Variants in ICAM4 observed in about 807,000 individuals in gnomAD.
ICAM4 encodes intercellular adhesion molecule 4.
ICAM4 carries 16 observed loss-of-function variants against 18.8 expected under a neutral mutation model. The observed-to-expected ratio is 0.85, with a 90% CI of 0.58 to 1.29. The LOEUF is 1.29. Ranked by LOEUF, ICAM4 falls within the 50% of genes most tolerant of loss-of-function variation. ICAM4 has a pLI of 0.00. For missense variants in ICAM4, 338 were observed against 364.3 expected (o/e 0.93, Z 0.59); for synonymous variants, 163 against 163.2 (o/e 1.00, Z 0.01).
Position 10,287,667 on chromosome 19 carries a change from T to C in ICAM4, c.526T>C (p.Tyr176His). ...CCTGAGGCATGGAAGCCGGGTCATC[T>C]ATTCCGAAAGCCTGGAGCGCTTCAC... Reference protein sequence around the residue: ...VTLRHGSRVIYSESLERFTGL... With the variant: ...VTLRHGSRVIHSESLERFTGL... Residue 176 changes from tyrosine (Y) to histidine (H), a missense_variant, in exon 2 of 3, where the codon TAT becomes CAT. By Grantham distance (83) the Tyr-to-His change is moderately conservative. Transcript: ENST00000380770. This position sits in a 1 kb window ranked among gnomAD's most constrained non-coding sequence, Gnocchi z 8.7. The C allele has an allele frequency of 6.2e-7, 1 of 1,614,148 alleles. No individual in the cohort carries two copies. Among genetic ancestry groups the C allele is most frequent in the Non-Finnish European group, 8.5e-7 (1 of 1,180,028 alleles).
At position 10,287,463 on chromosome 19, in the gene ICAM4, G is replaced by A. The variant is rs968273159; in HGVS notation, c.394+57G>A. ...TGAGGGGAGGGGGCTGGAAGAGGTG[G>A]GGGAAGGGTAGTTGACAGTCGCTCT... On this transcript the variant is annotated intron_variant, in intron 1 of 2. Coordinates refer to ENST00000380770, the MANE Select transcript of ICAM4 (RefSeq NM_001544.5). This position sits in a 1 kb window ranked among gnomAD's most constrained non-coding sequence, Gnocchi z 8.7. 1.7e-5 allele frequency: 27 copies of A among 1,588,940 alleles called. No homozygotes were observed. Among genetic ancestry groups the A allele is most frequent in the Non-Finnish European group, 2.0e-5 (23 of 1,166,222 alleles).
rs1161702102 is a variant in ICAM4 at position 10,287,950 on chromosome 19, T to A, written c.698-36T>A. On this transcript the variant is annotated intron_variant, in intron 2 of 2. Coordinates refer to ENST00000380770, the MANE Select transcript of ICAM4 (RefSeq NM_001544.5). This position sits in a 1 kb window ranked among gnomAD's most constrained non-coding sequence, Gnocchi z 8.7. ...CTCCACGCGGGTCGACAGACCTCCC[T>A]GTGTTCCGTTCCTAATTCTCGCCTT... The A allele has an allele frequency of 1.2e-6, 2 of 1,613,414 alleles. No homozygotes were observed. Among genetic ancestry groups the A allele is most frequent in the Middle Eastern group, 1.6e-4 (1 of 6,084 alleles).
rs765755270 is a variant in ICAM4 at position 10,287,068 on chromosome 19, G to A, written c.56G>A (p.Gly19Glu). The change falls in exon 1 of 3, where the codon GGA (glycine) becomes GAA (glutamate). Residue 19 changes from glycine (G) to glutamate (E), a missense_variant. By Grantham distance (98) the Gly-to-Glu change is moderately conservative. Transcript: ENST00000380770. This position sits in a 1 kb window ranked among gnomAD's most constrained non-coding sequence, Gnocchi z 8.7. ...LLFFLAAAYP[G>E]VGSALGRRTK... ...TTTTTTTTGGCGGCCGCCTACCCGGGAGTTGGGAGCGCGCTGGGACGCCGG... is the reference window on the plus strand; with the variant it reads ...TTTTTTTTGGCGGCCGCCTACCCGGAAGTTGGGAGCGCGCTGGGACGCCGG... The A allele has an allele frequency of 1.3e-6, 2 of 1,585,882 alleles. No individual in the cohort carries two copies. The highest frequency in any genetic ancestry group is 1.7e-6 in the Non-Finnish European group (2 of 1,163,648).
chr19:10,288,215 A>T lies in ICAM4; in HGVS notation c.*111A>T, dbSNP rs767480804. ...GTAATCCCAGCACTTTGGGAGGCCG[A>T]GGCAGGAGAATCGCTTGAGCCCAGG... On this transcript the variant is annotated 3_prime_UTR_variant, in exon 3 of 3. Coordinates refer to ENST00000380770, the MANE Select transcript of ICAM4 (RefSeq NM_001544.5). 6.4e-7 allele frequency: 1 copy of T among 1,555,932 alleles called. No individual in the cohort carries two copies. The highest frequency in any genetic ancestry group is 8.8e-7 in the Non-Finnish European group (1 of 1,133,702).
rs1568297555 is a variant in ICAM4, at chr19:10,287,757, C to A, written c.616C>A (p.Gln206Lys). Residue 206 changes from glutamine to lysine, a missense_variant, in exon 2 of 3, where the codon CAG becomes AAG. By Grantham distance (53) the Gln-to-Lys change is moderately conservative. Coordinates refer to ENST00000380770, the MANE Select transcript of ICAM4 (RefSeq NM_001544.5). This position sits in a 1 kb window ranked among gnomAD's most constrained non-coding sequence, Gnocchi z 8.7. The part of the protein sequence containing the change: ...EFAAGPRDFW[Q>K]PVICHARLNL... ...TGCTGCTGGACCCCGCGACTTCTGG[C>A]AGCCCGTGATCTGCCACGCGCGCCT... is the stretch of plus-strand genomic sequence containing the variant. The A allele has an allele frequency of 1.9e-6, 3 of 1,613,898 alleles. No homozygotes were observed. The highest frequency in any genetic ancestry group is 2.5e-6 in the Non-Finnish European group (3 of 1,180,046).
Position 10,287,035 on chromosome 19 carries a change from C to T in ICAM4, c.23C>T (p.Ser8Leu), listed in dbSNP as rs1479914177. ...GCCATGGGGTCTCTGTTCCCTCTGT[C>T]GCTGCTGTTTTTTTTGGCGGCCGCC... Reference protein sequence around the residue: MGSLFPLSLLFFLAAAYP... With the variant: MGSLFPLLLLFFLAAAYP... The change falls in exon 1 of 3, where the codon TCG becomes TTG. Residue 8 changes from serine (S) to leucine (L), a missense_variant. Ser to Leu is a moderately radical substitution (Grantham distance 145). Transcript: ENST00000380770. The surrounding 1 kb of genome is among the most constrained non-coding windows in gnomAD (Gnocchi z 8.7). 2 of 1,557,848 alleles carry T rather than the reference C, an allele frequency of 1.3e-6. No homozygotes were observed. Among genetic ancestry groups the T allele is most frequent in the Admixed American group, 3.7e-5 (2 of 53,996 alleles).
Position 10,287,384 on chromosome 19 carries a change from C to T in ICAM4, c.372C>T (p.Ala124=). Residue 124 remains alanine (A), a synonymous_variant, in exon 1 of 3, where the codon GCC becomes GCT. Transcript: ENST00000380770. The surrounding 1 kb of genome is among the most constrained non-coding windows in gnomAD (Gnocchi z 8.7). ...CCTGCGCAGGAAAAACACGCTGGGCCACCTCCAGGATCACCGCCTACAGTG... is the reference window on the plus strand; with the variant it reads ...CCTGCGCAGGAAAAACACGCTGGGCTACCTCCAGGATCACCGCCTACAGTG... ...LVTCAGKTRW[A]TSRITAYKPP... is the part of the protein sequence containing the mutation. 6.2e-7 allele frequency: 1 copy of T among 1,606,698 alleles called. No homozygotes were observed. Among genetic ancestry groups the T allele is most frequent in the Non-Finnish European group, 8.5e-7 (1 of 1,176,726 alleles).
chr19:10,288,028 C>A lies in ICAM4; in HGVS notation c.740C>A (p.Ala247Asp), dbSNP rs1800320916. 6.2e-7 allele frequency: 1 copy of A among 1,614,182 alleles called. No homozygotes were observed. The highest frequency in any genetic ancestry group is 1.3e-5 in the African/African-American group (1 of 75,064). Residue 247 changes from alanine (A) to aspartate (D), a missense_variant, in exon 3 of 3, where the codon GCT becomes GAT. Physicochemically the swap from Ala to Asp is moderately radical, Grantham distance 126. Transcript: ENST00000380770. ...APTALASGSI[A>D]ALVGILLTVG... ...ACAGCTTTGGCCTCCGGTTCCATCGCTGCCCTTGTAGGGATCCTCCTCACT... is the reference window on the plus strand; with the variant it reads ...ACAGCTTTGGCCTCCGGTTCCATCGATGCCCTTGTAGGGATCCTCCTCACT...
chr19:10,287,505 G>C lies in ICAM4; in HGVS notation c.395-31G>C, dbSNP rs2040126390. On this transcript the variant is annotated intron_variant, in intron 1 of 2. Transcript: ENST00000380770. The surrounding 1 kb of genome is among the most constrained non-coding windows in gnomAD (Gnocchi z 8.7). The stretch of plus-strand genomic sequence containing the variant: ...AGTCGCTCTATAGGGAGCGCCCGCG[G>C]ACCTCACTCAGAGGCTCCCCCTTGC... 2.4e-5 allele frequency: 39 copies of C among 1,604,462 alleles called. No individual in the cohort carries two copies. The highest frequency in any genetic ancestry group is 3.2e-5 in the Non-Finnish European group (37 of 1,174,154).
Position 10,288,140 on chromosome 19 carries a change from A to G in ICAM4, c.*36A>G. On this transcript the variant is annotated 3_prime_UTR_variant, in exon 3 of 3. Transcript: ENST00000380770. ...TCTATGCCGGCTGAGCGAGAAAAAG[A>G]GGAATATGAAACAATCTGGGGAAAT... 1 of 1,614,146 alleles carries G rather than the reference A, an allele frequency of 6.2e-7. No homozygotes were observed.
chr19:10,287,221 G>C lies in ICAM4; in HGVS notation c.209G>C (p.Ser70Thr), dbSNP rs1190707594. 1 of 1,612,994 alleles carries C rather than the reference G, an allele frequency of 6.2e-7. No homozygotes were observed. The highest frequency in any genetic ancestry group is 8.5e-7 in the Non-Finnish European group (1 of 1,179,864). Reference protein sequence around the residue: ...QPGKSVQLNCSNSCPQPQNSS... With the variant: ...QPGKSVQLNCTNSCPQPQNSS... ...GGGAAGTCAGTGCAGCTCAATTGCA[G>C]CAACAGCTGTCCCCAGCCGCAGAAT... Residue 70 changes from serine (S) to threonine (T), a missense_variant, in exon 1 of 3, where the codon AGC becomes ACC. By Grantham distance (58) the Ser-to-Thr change is moderately conservative. Transcript: ENST00000380770. This position sits in a 1 kb window ranked among gnomAD's most constrained non-coding sequence, Gnocchi z 8.7.
Position 10,287,544 on chromosome 19 carries a change from C to T in ICAM4, c.403C>T (p.His135Tyr), listed in dbSNP as rs759055313. The T allele has an allele frequency of 6.2e-7, 1 of 1,613,320 alleles. No homozygotes were observed. The highest frequency in any genetic ancestry group is 1.1e-5 in the South Asian group (1 of 91,066). ...TSRITAYKPPHSVILEPPVLK... is the reference protein window; with the variant it reads ...TSRITAYKPPYSVILEPPVLK... ...GCTCCCCCTTGCCTTAGAACCGCCC[C>T]ACAGCGTGATTTTGGAGCCTCCGGT... The change falls in exon 2 of 3, where the codon CAC becomes TAC. Residue 135 changes from histidine to tyrosine, a missense_variant. Physicochemically the swap from His to Tyr is moderately conservative, Grantham distance 83 (BLOSUM62 2). Transcript: ENST00000380770. The surrounding 1 kb of genome is among the most constrained non-coding windows in gnomAD (Gnocchi z 8.7).
In ICAM4 at chr19:10,288,204, T is replaced by C; in HGVS notation, c.*100T>C. The C allele has an allele frequency of 2.5e-6, 4 of 1,586,094 alleles. No homozygotes were observed. Among genetic ancestry groups the C allele is most frequent in the Non-Finnish European group, 3.5e-6 (4 of 1,158,456 alleles). On this transcript the variant is annotated 3_prime_UTR_variant, in exon 3 of 3. Coordinates refer to ENST00000380770, the MANE Select transcript of ICAM4 (RefSeq NM_001544.5). ...GGCTGACGCCTGTAATCCCAGCACT[T>C]TGGGAGGCCGAGGCAGGAGAATCGC...
Position 10,287,834 on chromosome 19 carries a change from G to C in ICAM4, c.693G>C (p.Met231Ile), listed in dbSNP as rs540595516. ...ACAGCTCGGCACCCATTACACTGATGCTCGGTGAGGCACCCCTGTAACCCT... is the reference window on the plus strand; with the variant it reads ...ACAGCTCGGCACCCATTACACTGATCCTCGGTGAGGCACCCCTGTAACCCT... ...VRNSSAPITL[M>I]LAWSPAPTAL... The change falls in exon 2 of 3, where the codon ATG becomes ATC. Residue 231 changes from methionine to isoleucine, a missense_variant. Coordinates refer to ENST00000380770, the MANE Select transcript of ICAM4 (RefSeq NM_001544.5). The surrounding 1 kb of genome is among the most constrained non-coding windows in gnomAD (Gnocchi z 8.7). 1 of 1,610,816 alleles carries C rather than the reference G, an allele frequency of 6.2e-7. No homozygotes were observed. Among genetic ancestry groups the C allele is most frequent in the Admixed American group, 1.7e-5 (1 of 60,014 alleles).
Position 10,287,715 on chromosome 19 carries a change from A to G in ICAM4, c.574A>G (p.Thr192Ala), listed in dbSNP as rs755583690. 13 of 1,613,780 alleles carry G rather than the reference A, an allele frequency of 8.1e-6. No individual in the cohort carries two copies. The highest frequency in any genetic ancestry group is 1.0e-5 in the Non-Finnish European group (12 of 1,179,972). The part of the protein sequence containing the change: ...RFTGLDLANV[T>A]LTYEFAAGPR... ...CACCGGCCTGGATCTGGCCAACGTG[A>G]CCTTGACCTACGAGTTTGCTGCTGG... Residue 192 changes from threonine (T) to alanine (A), a missense_variant, in exon 2 of 3, where the codon ACC becomes GCC. Coordinates refer to ENST00000380770, the MANE Select transcript of ICAM4 (RefSeq NM_001544.5). The surrounding 1 kb of genome is among the most constrained non-coding windows in gnomAD (Gnocchi z 8.7).
Position 10,288,156 on chromosome 19 carries a change from C to G in ICAM4, c.*52C>G, listed in dbSNP as rs1334073699. On this transcript the variant is annotated 3_prime_UTR_variant, in exon 3 of 3. Coordinates refer to ENST00000380770, the MANE Select transcript of ICAM4 (RefSeq NM_001544.5). ...GAGAAAAAGAGGAATATGAAACAAT[C>G]TGGGGAAATGGCCATACATGGTGGC... is the stretch of plus-strand genomic sequence containing the variant. The G allele has an allele frequency of 1.9e-6, 3 of 1,613,826 alleles. No individual in the cohort carries two copies. Among genetic ancestry groups the G allele is most frequent in the African/African-American group, 1.3e-5 (1 of 74,908 alleles).
In ICAM4 at chr19:10,287,427, C is replaced by T. The variant is rs758337091; in HGVS notation, c.394+21C>T. ...CTACAGTGAGGGACAGGGGCTCGGTCCCGGCTGGGGTGAGGGGAGGGGGCT... is the reference window on the plus strand; with the variant it reads ...CTACAGTGAGGGACAGGGGCTCGGTTCCGGCTGGGGTGAGGGGAGGGGGCT... On this transcript the variant is annotated intron_variant, in intron 1 of 2. Transcript: ENST00000380770. The surrounding 1 kb of genome is among the most constrained non-coding windows in gnomAD (Gnocchi z 8.7). 6.3e-7 allele frequency: 1 copy of T among 1,593,550 alleles called. No homozygotes were observed. Among genetic ancestry groups the T allele is most frequent in the East Asian group, 2.3e-5 (1 of 44,354 alleles).
rs2040131447 is a variant in ICAM4 at position 10,287,821 on chromosome 19, C to T, written c.680C>T (p.Pro227Leu). The change falls in exon 2 of 3, where the codon CCC becomes CTC. Residue 227 changes from proline to leucine, a missense_variant. Transcript: ENST00000380770. The surrounding 1 kb of genome is among the most constrained non-coding windows in gnomAD (Gnocchi z 8.7). ...CTGGTGGTCCGCAACAGCTCGGCAC[C>T]CATTACACTGATGCTCGGTGAGGCA... ...DGLVVRNSSA[P>L]ITLMLAWSPA... is the part of the protein sequence containing the mutation. 2 of 1,611,906 alleles carry T rather than the reference C, an allele frequency of 1.2e-6. No homozygotes were observed. Among genetic ancestry groups the T allele is most frequent in the African/African-American group, 1.3e-5 (1 of 74,922 alleles).
chr19:10,288,027 G>A lies in ICAM4; in HGVS notation c.739G>A (p.Ala247Thr). 1 of 1,614,124 alleles carries A rather than the reference G, an allele frequency of 6.2e-7. No individual in the cohort carries two copies. The highest frequency in any genetic ancestry group is 8.5e-7 in the Non-Finnish European group (1 of 1,180,024). Residue 247 changes from alanine to threonine, a missense_variant, in exon 3 of 3, where the codon GCT (alanine) becomes ACT (threonine). Physicochemically the swap from Ala to Thr is moderately conservative, Grantham distance 58. Transcript: ENST00000380770. ...CACAGCTTTGGCCTCCGGTTCCATC[G>A]CTGCCCTTGTAGGGATCCTCCTCAC... is the stretch of plus-strand genomic sequence containing the variant. ...APTALASGSI[A>T]ALVGILLTVG...
Sources: allele counts gnomAD v4.1 joint callset, GRCh38; gene constraint gnomAD v4.1.1; non-coding constraint Gnocchi (gnomAD v3.1); transcripts MANE v1.5; gene names NCBI Gene and HGNC (gene_info 2026-07-23, HGNC 2026-07-21).